Variants in ELOVL5 observed in about 807,000 individuals in gnomAD.
ELOVL5 encodes ELOVL fatty acid elongase 5.
ELOVL5 carries 8 observed loss-of-function variants against 38.6 expected under a neutral mutation model. The ratio of observed to expected loss-of-function variants is 0.21; its 90% CI spans 0.12 to 0.37. ELOVL5 has a LOEUF of 0.37. ELOVL5 is among the 10% of genes least tolerant of loss of function. The pLI is 1.00. For missense variants in ELOVL5, 280 were observed against 367.8 expected, an observed-to-expected ratio of 0.76 and a Z score of 1.95; for synonymous variants, 127 against 133.7, an observed-to-expected ratio of 0.95 and a Z score of 0.34.
At chr6:53,294,166 T>C in intron 2 of ELOVL5, 1 of 1,422,836 alleles carries the variant, frequency 7.0e-7, no homozygotes, top group Non-Finnish European at 9.2e-7. Flanking sequence ...TGGCACATAT[T>C]CATCCTCCCA....
rs917034702 is a variant in ELOVL5, at chr6:53,268,909, C to T, written c.*218G>A. The T allele has an allele frequency of 2.2e-4, 110 of 497,630 alleles. No homozygotes were observed. Among genetic ancestry groups the T allele is most frequent in the Non-Finnish European group, 2.8e-4 (78 of 281,404 alleles). The allele number at this position is 497,630 out of a possible 1,614,324, so 30.8% of individuals were successfully genotyped here. ...ATAATACTCCCTTTCCACAGTCTAG[C>T]GCAGGGGTCAGAGAGCCCAGAAATG... On this transcript the variant is annotated 3_prime_UTR_variant, in exon 8 of 8. Transcript: ENST00000304434.
At chr6:53,273,477 T>A in intron 5 of ELOVL5, 133 bp from the exon 6 acceptor site, 1 of 786,192 alleles carries the variant, frequency 1.3e-6, no homozygotes, top group Non-Finnish European at 2.0e-6. Context: ...TGACAAACAC[T>A]GCAACAGCAA....
intron 1 of ELOVL5, among the ~76,000 whole-genome samples, chr6:53,347,680 T>C (rs907971093): frequency 2.6e-5 from 4 of 152,184 alleles, no homozygotes; most frequent in Non-Finnish European, 5.9e-5. Flanking sequence ...TTCCTCAGTC[T>C]AGCTAATAAA....
chr6:53,293,996 A>T, intron 2 of ELOVL5: 2 of 858,028 alleles, frequency 2.3e-6, no homozygotes, highest in African/African-American at 1.7e-5. Flanking sequence ...GTCAATTTTA[A>T]GAAAACCAGT....
chr6:53,326,139 A>G (rs1768531711), intron 1 of ELOVL5, among the ~76,000 whole-genome samples: 2 of 152,216 alleles, frequency 1.3e-5, no homozygotes, highest in Admixed American at 6.5e-5. Flanking sequence ...AGAATAACTC[A>G]GTCATCTCTT....
chr6:53,302,695 C>T (rs958949094), intron 1 of ELOVL5, among the ~76,000 whole-genome samples: 2 of 139,180 alleles, frequency 1.4e-5, no homozygotes, highest in Admixed American at 9.1e-5. Context: ...AGTTTATTTC[C>T]TAAACCCACA....
chr6:53,297,845 G>A (rs1411544856), intron 1 of ELOVL5, among the ~76,000 whole-genome samples: 1 of 152,106 alleles, frequency 6.6e-6, no homozygotes, highest in African/African-American at 2.4e-5. Flanking sequence ...CCACTTTCCT[G>A]CCCTAGATTG....
chr6:53,295,946 A>C (rs533390696), intron 1 of ELOVL5, among the ~76,000 whole-genome samples: 1 of 152,274 alleles, frequency 6.6e-6, no homozygotes, highest in African/African-American at 2.4e-5. Flanking sequence ...CAGTTTTCTG[A>C]ACTTCTTTTC....
intron 1 of ELOVL5, among the ~76,000 whole-genome samples, chr6:53,328,787 A>G (rs1359733030): frequency 6.6e-6 from 1 of 152,216 alleles, no homozygotes; most frequent in Non-Finnish European, 1.5e-5. Flanking sequence ...ATGAACATCT[A>G]AAAAGCTATT....
intron 1 of ELOVL5, among the ~76,000 whole-genome samples, chr6:53,300,985 G>T (rs1767226415): frequency 6.6e-6 from 1 of 152,052 alleles, no homozygotes; most frequent in African/African-American, 2.4e-5. Context: ...AAAGGTCTCA[G>T]CAAATGAATT....
intron 3 of ELOVL5, among the ~76,000 whole-genome samples, chr6:53,282,774 C>A (rs1035692955): frequency 1.3e-5 from 2 of 152,116 alleles, no homozygotes; most frequent in Non-Finnish European, 2.9e-5. Context: ...AGTTATTTTT[C>A]AAATAAAATT....
At chr6:53,338,700 A>G (rs1215912617) in intron 1 of ELOVL5, among the ~76,000 whole-genome samples, 2 of 152,246 alleles carry the variant, frequency 1.3e-5, no homozygotes, top group Non-Finnish European at 2.9e-5. Flanking sequence ...GCAATTGCAA[A>G]TAACAGGGAG....
At chr6:53,297,059 G>A (rs1180627437) in intron 1 of ELOVL5, among the ~76,000 whole-genome samples, 1 of 152,170 alleles carries the variant, frequency 6.6e-6, no homozygotes, top group Non-Finnish European at 1.5e-5. Context: ...GTAGTTAACA[G>A]GGTTCTGTCC....
chr6:53,310,948 T>A (rs1767805217), intron 1 of ELOVL5, among the ~76,000 whole-genome samples: 1 of 152,156 alleles, frequency 6.6e-6, no homozygotes. Context: ...GCATGGAAAT[T>A]TTTCAGCTTA....
chr6:53,298,274 G>A (rs949959618), intron 1 of ELOVL5, among the ~76,000 whole-genome samples: 1 of 152,208 alleles, frequency 6.6e-6, no homozygotes, highest in African/African-American at 2.4e-5. Context: ...TAAAGGCTAT[G>A]ACTAATGGAT....
chr6:53,292,032 T>C (rs553548639), intron 2 of ELOVL5, 69 bp from the exon 3 acceptor site: 7 of 1,069,122 alleles, frequency 6.5e-6, no homozygotes, highest in South Asian at 1.8e-5. Flanking sequence ...AAAAAATTTC[T>C]CTAACCATGA....
intron 2 of ELOVL5, chr6:53,294,460 G>A (rs1581942602): frequency 6.4e-7 from 1 of 1,550,492 alleles, no homozygotes; most frequent in Non-Finnish European, 8.7e-7. Flanking sequence ...TGTGAAGTGG[G>A]GGACCCATTC....
intron 1 of ELOVL5, among the ~76,000 whole-genome samples, chr6:53,339,972 G>A (rs954818603): frequency 5.3e-5 from 8 of 152,090 alleles, no homozygotes; most frequent in African/African-American, 1.9e-4. Context: ...GATGGAAGAC[G>A]GTGACATTGA....
At chr6:53,341,922 T>C (rs1357288248) in intron 1 of ELOVL5, among the ~76,000 whole-genome samples, 1 of 152,174 alleles carries the variant, frequency 6.6e-6, no homozygotes, top group Non-Finnish European at 1.5e-5. Flanking sequence ...TCTACATAGA[T>C]TCTAGGGTCT....
Sources: allele counts gnomAD v4.1 joint callset (sites outside exome capture counted in the v4.1 genomes callset), GRCh38; gene constraint gnomAD v4.1.1; transcripts MANE v1.5; gene names NCBI Gene and HGNC (gene_info 2026-07-23, HGNC 2026-07-21).